Variants in ZNF385D observed in about 807,000 individuals in gnomAD.
The protein encoded by ZNF385D is zinc finger protein 385D.
ZNF385D carries 15 observed loss-of-function variants against 35.8 expected under a neutral mutation model. That is an observed-to-expected ratio of 0.42 (90% CI 0.28 to 0.64). The LOEUF is 0.64. Ranked by LOEUF, ZNF385D falls within the 30% of genes least tolerant of loss-of-function variation. The pLI is 0.23. For missense variants in ZNF385D, 474 were observed against 494.6 expected (o/e 0.96, Z 0.39); for synonymous variants, 212 against 186.8 (o/e 1.13, Z -1.10).
intron 1 of ZNF385D, among the ~76,000 whole-genome samples, chr3:21,714,238 A>G (rs2068226580): frequency 6.6e-6 from 1 of 152,152 alleles, no homozygotes; most frequent in East Asian, 1.9e-4. Flanking sequence ...CTGTCCAGTA[A>G]ACAAACTACC....
rs533560044 is a variant in ZNF385D at position 21,989,539 on chromosome 3, G to C, written c.325+179278C>G. On this transcript the variant is annotated intron_variant, in intron 3 of 5. Coordinates refer to the ZNF385D transcript ENST00000494108. ...CAAAAGGTATGTCAGTTTTGGACTT[G>C]GAACAAATATTTGAATAAATGATGA... is the stretch of plus-strand genomic sequence containing the variant. Among the ~76,000 whole-genome samples, 24 of 152,066 alleles carry C rather than the reference G, an allele frequency of 1.6e-4. No homozygotes were observed. The East Asian group carries it at 4.6e-3, about 29-fold the overall frequency.
chr3:21,942,905 T>C (rs1701589094), intron 3 of ZNF385D, among the ~76,000 whole-genome samples: 2 of 152,200 alleles, frequency 1.3e-5, no homozygotes, highest in South Asian at 2.1e-4. Flanking sequence ...GCCAACTTCA[T>C]CAGTCTTATT....
chr3:21,437,122 G>C lies in ZNF385D; in HGVS notation c.521C>G (p.Thr174Ser). Reference protein sequence around the residue: ...RKSSVMTTEITSKVEKSPTTA... With the variant: ...RKSSVMTTEISSKVEKSPTTA... ...CGTTGGGCTTTTTTCCACTTTAGAG[G>C]TGATCTCAGTTGTCATAACACTGCT... Residue 174 changes from threonine to serine, a missense_variant, in exon 5 of 8, where the codon ACC becomes AGC. By Grantham distance (58) the Thr-to-Ser change is moderately conservative (BLOSUM62 1). Transcript: ENST00000281523. The C allele has an allele frequency of 6.2e-7, 1 of 1,613,936 alleles. No homozygotes were observed. The highest frequency in any genetic ancestry group is 8.5e-7 in the Non-Finnish European group (1 of 1,179,896).
intron 2 of ZNF385D, among the ~76,000 whole-genome samples, chr3:21,640,218 C>A (rs1237532153): frequency 6.6e-6 from 1 of 152,038 alleles, no homozygotes; most frequent in Non-Finnish European, 1.5e-5. Flanking sequence ...GTTATACTGC[C>A]ATTAACATGG....
chr3:22,021,507 G>T (rs75532898), intron 3 of ZNF385D, among the ~76,000 whole-genome samples: 1 of 151,964 alleles, frequency 6.6e-6, no homozygotes, highest in Non-Finnish European at 1.5e-5. Context: ...TGACTCCACC[G>T]CTAACTATAT....
intron 2 of ZNF385D, among the ~76,000 whole-genome samples, chr3:21,643,972 C>T (rs561283647): frequency 6.6e-6 from 1 of 152,200 alleles, no homozygotes; most frequent in African/African-American, 2.4e-5. Context: ...CAGCTCTTGC[C>T]AGTACAAACA....
chr3:22,142,860 A>G (rs1229557662), intron 3 of ZNF385D, among the ~76,000 whole-genome samples: 1 of 152,018 alleles, frequency 6.6e-6, no homozygotes, highest in African/African-American at 2.4e-5. Context: ...CCGGGTTCCA[A>G]AAAGTTCTCT....
intron 3 of ZNF385D, among the ~76,000 whole-genome samples, chr3:21,545,018 A>G (rs2062322997): frequency 6.6e-6 from 1 of 152,222 alleles, no homozygotes; most frequent in Non-Finnish European, 1.5e-5. Flanking sequence ...GAATAATGCT[A>G]ACATATGTTC....
intron 2 of ZNF385D, among the ~76,000 whole-genome samples, chr3:22,290,838 G>A (rs1008633813): frequency 2.6e-5 from 4 of 152,140 alleles, no homozygotes; most frequent in Non-Finnish European, 4.4e-5. Flanking sequence ...TGTTGCTGAT[G>A]TCATCCTACA....
intron 2 of ZNF385D, among the ~76,000 whole-genome samples, chr3:22,237,015 A>T (rs1324213000): frequency 6.6e-6 from 1 of 152,148 alleles, no homozygotes; most frequent in African/African-American, 2.4e-5. Flanking sequence ...ATTTACGTGA[A>T]TATGTTTTCA....
At chr3:21,594,993 C>G (rs904835653) in intron 2 of ZNF385D, among the ~76,000 whole-genome samples, 1 of 152,114 alleles carries the variant, frequency 6.6e-6, no homozygotes, top group African/African-American at 2.4e-5. Context: ...ATTAAATGCT[C>G]TTTTTTCTTT....
intron 3 of ZNF385D, among the ~76,000 whole-genome samples, chr3:21,820,815 A>C (rs916802210): frequency 1.9e-4 from 29 of 151,920 alleles, no homozygotes; most frequent in Middle Eastern, 3.4e-3. Context: ...TGTGTGTGTC[A>C]AGAAAATAAG....
chr3:21,500,740 A>T (rs527649849), intron 4 of ZNF385D, among the ~76,000 whole-genome samples: 2 of 152,334 alleles, frequency 1.3e-5, no homozygotes, highest in East Asian at 3.9e-4. Context: ...GGGTTAGATC[A>T]CTAAAGAGTT....
intron 3 of ZNF385D, among the ~76,000 whole-genome samples, chr3:22,098,994 C>A (rs1031672428): frequency 1.3e-5 from 2 of 151,938 alleles, no homozygotes; most frequent in African/African-American, 4.8e-5. Context: ...GAGTTATGCA[C>A]AACTTCTTCA....
intron 5 of ZNF385D, among the ~76,000 whole-genome samples, chr3:21,428,933 C>CTTT (rs56827844): frequency 0.29 from 32,995 of 112,604 alleles, 5,589 homozygotes; most frequent in East Asian, 0.5. Flanking sequence ...CCAAGAAATC[C>CTTT]TTTTTTTTTT....
rs754506047 is a variant in ZNF385D at position 21,421,254 on chromosome 3, A to T, written c.1148T>A (p.Ile383Asn). Residue 383 changes from isoleucine to asparagine, a missense_variant, in exon 8 of 8, where the codon ATT becomes AAT. By Grantham distance (149) the Ile-to-Asn change is moderately radical (BLOSUM62 -3). Transcript: ENST00000281523. ...CAGCACAGGAGTGTGGGCGGTCCGA[A>T]TGGGTCCAGGAGCTGGCCGCAGGAG... ...PALLRPAPGP[I>N]RTAHTPVLFA... 6.2e-7 allele frequency: 1 copy of T among 1,613,980 alleles called. No individual in the cohort carries two copies. Among genetic ancestry groups the T allele is most frequent in the African/African-American group, 1.3e-5 (1 of 74,894 alleles).
At chr3:22,106,215 T>C (rs779183) in intron 3 of ZNF385D, among the ~76,000 whole-genome samples, 82,928 of 151,890 alleles carry the variant, frequency 0.55, 23,256 homozygotes, top group African/African-American at 0.61. Context: ...TATTAGGTTG[T>C]AAGGAAACTG....
chr3:22,153,702 G>A (rs1705411151), intron 3 of ZNF385D, among the ~76,000 whole-genome samples: 1 of 151,942 alleles, frequency 6.6e-6, no homozygotes, highest in Non-Finnish European at 1.5e-5. Context: ...GACCTCAAGT[G>A]ATCCACCCAC....
chr3:22,096,608 C>T (rs970195882), intron 3 of ZNF385D, among the ~76,000 whole-genome samples: 28 of 151,970 alleles, frequency 1.8e-4, no homozygotes, highest in African/African-American at 6.0e-4. Flanking sequence ...TTTCTGACCC[C>T]TTAGGGTTAA....
Sources: allele counts gnomAD v4.1 joint callset (sites outside exome capture counted in the v4.1 genomes callset), GRCh38; gene constraint gnomAD v4.1.1; transcripts MANE v1.5; gene names NCBI Gene and HGNC (gene_info 2026-07-23, HGNC 2026-07-21).